FASTKD1: variants seen among roughly 807,000 people sequenced by gnomAD.
FASTKD1 encodes the protein FAST kinase domain-containing protein 1, mitochondrial.
Under a neutral mutation model 90.9 loss-of-function variants are expected in FASTKD1, and 94 were observed. The ratio of observed to expected loss-of-function variants is 1.03; its 90% CI spans 0.88 to 1.23. FASTKD1 has a LOEUF of 1.23. Among genes scored for constraint, FASTKD1 ranks in the 50% most tolerant of loss-of-function variants. FASTKD1 has a pLI of 0.00. For missense variants in FASTKD1, 945 were observed against 993.5 expected, an observed-to-expected ratio of 0.95 and a Z score of 0.66; for synonymous variants, 319 against 345.8, an observed-to-expected ratio of 0.92 and a Z score of 0.86.
At chr2:169,570,641 A>AAATT (rs1240938781) in intron 2 of FASTKD1, among the ~76,000 whole-genome samples, 1 of 151,928 alleles carries the variant, frequency 6.6e-6, no homozygotes, top group Non-Finnish European at 1.5e-5. Context: ...ATCACAGACA[A>AAATT]AATTTACTAA....
chr2:169,531,108 C>A, intron 13 of FASTKD1: 2 of 730,202 alleles, frequency 2.7e-6, no homozygotes, highest in Non-Finnish European at 5.0e-6. Context: ...AAAGAAGATA[C>A]TATTTTACTT....
In FASTKD1 at chr2:169,538,041, A is replaced by G. The variant is rs764510476; in HGVS notation, c.2046T>C (p.His682=). 6.2e-7 allele frequency: 1 copy of G among 1,609,956 alleles called. No individual in the cohort carries two copies. The highest frequency in any genetic ancestry group is 1.3e-5 in the African/African-American group (1 of 74,682). Residue 682 remains histidine (H), a synonymous_variant, in exon 11 of 15, where the codon CAT becomes CAC. Transcript: ENST00000453153. ...TATTATATTGTTGACAGAAGCGGTC[A>G]TGAAACCATGGAATCTGAAACTCAG... ...ECPEFQIPWF[H]DRFCQQYNKG... is the part of the protein sequence containing the mutation.
At position 169,530,484 on chromosome 2, in the gene FASTKD1, A is replaced by G; in HGVS notation, c.2442+103T>C. The G allele has an allele frequency of 5.8e-6, 4 of 686,296 alleles. No individual in the cohort carries two copies. The South Asian group carries it at 8.5e-5, about 15-fold the overall frequency. 42.5% of individuals were successfully genotyped at this position (686,296 alleles called of 1,614,324 possible). ...GTTTGAGTGATACATTTTAAAAAAT[A>G]TATTTAAAAAGGTAATTCTGGAACT... On this transcript the variant is annotated intron_variant, in intron 14 of 14. Coordinates refer to ENST00000453153, the MANE Select transcript of FASTKD1 (RefSeq NM_024622.6).
At chr2:169,532,224 A>C (rs1243936174) in intron 12 of FASTKD1, among the ~76,000 whole-genome samples, 1 of 152,166 alleles carries the variant, frequency 6.6e-6, no homozygotes, top group African/African-American at 2.4e-5. Flanking sequence ...GTTCCAGACC[A>C]GCCTGGGCAA....
At chr2:169,547,107 G>A (rs568327345) in intron 7 of FASTKD1, among the ~76,000 whole-genome samples, 2 of 152,124 alleles carry the variant, frequency 1.3e-5, no homozygotes, top group Non-Finnish European at 2.9e-5. Context: ...CTCCTCTTTG[G>A]GTTTGATTAA....
At position 169,531,396 on chromosome 2, in the gene FASTKD1, T is replaced by A. The variant is rs1684481875; in HGVS notation, c.2283A>T (p.Ser761=). ...GCCTTGATCCAACTATTTCGATATT[T>A]GATTCCCAGGGCATTTCTGGTAGTT... The part of the protein sequence containing the change: ...LGQLPEMPWE[S]NIEIVGSRLP... The change falls in exon 13 of 15, where the codon TCA becomes TCT. Residue 761 remains serine (S), a synonymous_variant. Transcript: ENST00000453153. The A allele has an allele frequency of 6.2e-7, 1 of 1,613,460 alleles. No homozygotes were observed. Among genetic ancestry groups the A allele is most frequent in the African/African-American group, 1.3e-5 (1 of 75,034 alleles).
rs1683867930 is a variant in FASTKD1, at chr2:169,564,627, A to G, written c.447-1277T>C. Reference sequence around the variant, plus strand: ...AAAATGTATAATTAAGTTATTATTGACTATAGTCACCCTGTTGTGCTGTCA... The same window carrying G: ...AAAATGTATAATTAAGTTATTATTGGCTATAGTCACCCTGTTGTGCTGTCA... On this transcript the variant is annotated intron_variant, in intron 3 of 14. Transcript: ENST00000453153. 2.0e-5 allele frequency among the ~76,000 whole-genome samples: 3 copies of G among 152,070 alleles called. No homozygotes were observed. In the South Asian group the frequency reaches 6.2e-4, roughly 32 times the overall value.
At chr2:169,567,740 T>G (rs1204986098) in intron 3 of FASTKD1, among the ~76,000 whole-genome samples, 1 of 152,244 alleles carries the variant, frequency 6.6e-6, no homozygotes, top group Non-Finnish European at 1.5e-5. Flanking sequence ...TAGTCAAGAC[T>G]TTCCTGTCTG....
chr2:169,551,379 G>A (rs1381965880), intron 7 of FASTKD1, among the ~76,000 whole-genome samples: 2 of 151,870 alleles, frequency 1.3e-5, no homozygotes, highest in Non-Finnish European at 1.5e-5. Context: ...GAAATAAATC[G>A]AATATCCATC....
intron 3 of FASTKD1, 70 bp from the exon 4 acceptor site, chr2:169,563,420 T>C: frequency 1.8e-6 from 2 of 1,118,932 alleles, no homozygotes; most frequent in South Asian, 2.3e-5. Context: ...TATATAGTTA[T>C]AAAATTAAAA....
chr2:169,529,659 A>G lies in FASTKD1; in HGVS notation c.*166T>C, dbSNP rs1574358387. On this transcript the variant is annotated 3_prime_UTR_variant, in exon 15 of 15. Transcript: ENST00000453153. The stretch of plus-strand genomic sequence containing the variant: ...CTTTTCTCTTATACACTCCCACCCC[A>G]CTCCCCACTTGTTCTGCTCCAGCCA... 1.9e-5 allele frequency: 11 copies of G among 573,114 alleles called. 1 individual carries two copies. The South Asian group carries it at 2.5e-4, about 13-fold the overall frequency. The allele number at this position is 573,114 out of a possible 1,614,324, so 35.5% of individuals were successfully genotyped here.
rs1684249313 is a variant in FASTKD1, at chr2:169,571,864, T to TA, written c.165dup (p.Ile56TyrfsTer2). On this transcript the variant is annotated frameshift_variant, in exon 2 of 15. Coordinates refer to ENST00000453153, the MANE Select transcript of FASTKD1 (RefSeq NM_024622.6). LOFTEE classifies it high-confidence loss of function. ...GAAAGTATGGCTTTGTTTCTTTCAA[T>TA]AAAACCAAACATTTGCTCCTCATCT... 3 of 1,613,958 alleles carry TA rather than the reference T, an allele frequency of 1.9e-6. No individual in the cohort carries two copies. The highest frequency in any genetic ancestry group is 2.5e-6 in the Non-Finnish European group (3 of 1,179,992).
At chr2:169,555,750 T>C (rs1023962135) in intron 6 of FASTKD1, among the ~76,000 whole-genome samples, 4 of 152,172 alleles carry the variant, frequency 2.6e-5, no homozygotes, top group Admixed American at 6.5e-5. Flanking sequence ...CATGAAAAAT[T>C]AGGCATGTAC....
chr2:169,549,627 G>A (rs888494922), intron 7 of FASTKD1, among the ~76,000 whole-genome samples: 9 of 151,974 alleles, frequency 5.9e-5, no homozygotes, highest in African/African-American at 2.2e-4. Context: ...ACCACGCCCA[G>A]CTAATTTTTT....
chr2:169,549,526 C>A (rs1379827785), intron 7 of FASTKD1, among the ~76,000 whole-genome samples: 4 of 152,148 alleles, frequency 2.6e-5, no homozygotes, highest in African/African-American at 9.7e-5. Flanking sequence ...AGGGCAGTGG[C>A]GTAATATAGC....
chr2:169,535,516 C>G (rs1684691584), intron 12 of FASTKD1, among the ~76,000 whole-genome samples: 1 of 152,004 alleles, frequency 6.6e-6, no homozygotes, highest in Non-Finnish European at 1.5e-5. Flanking sequence ...ATTGCCCAGG[C>G]TGGTCTCAAA....
chr2:169,534,924 CT>C (rs1684664996), intron 12 of FASTKD1, among the ~76,000 whole-genome samples: 1 of 150,846 alleles, frequency 6.6e-6, no homozygotes, highest in African/African-American at 2.4e-5. Context: ...GGTAATTTTT[CT>C]TTTTTGTTAT....
chr2:169,569,130 T>C, intron 3 of FASTKD1, 54 bp downstream of exon 3: 1 of 1,459,026 alleles, frequency 6.9e-7, no homozygotes, highest in Non-Finnish European at 9.6e-7. Context: ...GATTTCACTC[T>C]GTTAACCCTG....
chr2:169,547,507 G>T (rs1685257788), intron 7 of FASTKD1, among the ~76,000 whole-genome samples: 1 of 152,100 alleles, frequency 6.6e-6, no homozygotes, highest in South Asian at 2.1e-4. Flanking sequence ...TTAACAAAAG[G>T]CTATAGCAAG....
Sources: gnomAD v4.1 joint callset for allele counts (sites outside exome capture counted in the v4.1 genomes callset) on GRCh38, gnomAD v4.1.1 for gene constraint, MANE v1.5 for transcripts, NCBI Gene and HGNC (gene_info 2026-07-23, HGNC 2026-07-21) for gene names.